The following ZNF131 variants were observed in gnomAD, a reference collection of about 807,000 sequenced individuals.
The protein encoded by ZNF131 is zinc finger and BTB domain containing 35.
ZNF131 carries 7 observed loss-of-function variants against 60.0 expected under a neutral mutation model. The ratio of observed to expected loss-of-function variants is 0.12; its 90% CI spans 0.07 to 0.22. The LOEUF is 0.22. Ranked by LOEUF, ZNF131 falls within the 10% of genes least tolerant of loss-of-function variation. ZNF131 has a pLI of 1.00. For synonymous variants in ZNF131, 257 were observed against 253.2 expected (o/e 1.01, Z -0.14); for missense variants, 493 against 740.9 (o/e 0.67, Z 3.88).
chr5:43,137,212 C>G (rs1746229891), intron 3 of ZNF131, among the ~76,000 whole-genome samples: 1 of 151,972 alleles, frequency 6.6e-6, no homozygotes, highest in Non-Finnish European at 1.5e-5. Context: ...ACAGGTGGGA[C>G]TACATCAAAC....
At chr5:43,151,999 CTATTTATT>C (rs35815843) in intron 4 of ZNF131, among the ~76,000 whole-genome samples, 3 of 151,008 alleles carry the variant, frequency 2.0e-5, no homozygotes, top group African/African-American at 4.9e-5. Context: ...GACTTCTTTC[CTATTTATT>C]TATTTATTTA....
chr5:43,124,598 A>C lies in ZNF131; in HGVS notation c.226+1288A>C, dbSNP rs546588991. 26 of 152,294 alleles carry C rather than the reference A, an allele frequency of 1.7e-4. No homozygotes were observed. In the South Asian group the frequency reaches 4.6e-3, roughly 27 times the overall value. The allele number at this position is 152,294 out of a possible 1,614,324, so 9.4% of individuals were successfully genotyped here. A position where few individuals can be genotyped will look rare whatever the true frequency, so the allele number is the denominator to read the frequency against. ...ATCCACAAAACTTAATAAAGTGAGA[A>C]TCTAACTGCCCAGATGATAGTGGTT... On this transcript the variant is annotated intron_variant, in intron 3 of 6. Transcript: ENST00000682664.
chr5:43,148,203 C>T (rs1054529330), intron 4 of ZNF131, among the ~76,000 whole-genome samples: 5 of 149,748 alleles, frequency 3.3e-5, no homozygotes, highest in Admixed American at 2.7e-4. Flanking sequence ...GAGACCCTAT[C>T]TCTACAAAAA....
chr5:43,160,200 CA>C (rs1195152966), intron 4 of ZNF131, among the ~76,000 whole-genome samples: 1 of 139,722 alleles, frequency 7.2e-6, no homozygotes, highest in Non-Finnish European at 1.6e-5. Context: ...AAAAAAAAAA[CA>C]AAAAAAGAAG....
At chr5:43,148,014 A>G (rs1747832878) in intron 4 of ZNF131, among the ~76,000 whole-genome samples, 1 of 147,080 alleles carries the variant, frequency 6.8e-6, no homozygotes, top group Admixed American at 6.8e-5. Flanking sequence ...AGATCATGCC[A>G]TTGTACTCCA....
At chr5:43,159,108 A>G (rs981554640) in intron 4 of ZNF131, among the ~76,000 whole-genome samples, 1 of 152,174 alleles carries the variant, frequency 6.6e-6, no homozygotes, top group Non-Finnish European at 1.5e-5. Flanking sequence ...AATGCATAAG[A>G]TTGATTTATA....
intron 4 of ZNF131, among the ~76,000 whole-genome samples, chr5:43,144,237 C>CTTTTTTTTTTTTTTTT (rs935655531): frequency 3.1e-5 from 2 of 65,316 alleles, no homozygotes; most frequent in African/African-American, 6.1e-5. Context: ...TTCTTTCTTT[C>CTTTTTTTTTTTTTTTT]TTTTTTTTTT....
chr5:43,147,734 A>G (rs543795431), intron 4 of ZNF131, among the ~76,000 whole-genome samples: 1 of 135,918 alleles, frequency 7.4e-6, no homozygotes, highest in African/African-American at 2.7e-5. Flanking sequence ...TTGGAAGTTT[A>G]AAAAAAAAAA....
chr5:43,157,077 A>G (rs1466113282), intron 4 of ZNF131, among the ~76,000 whole-genome samples: 1 of 152,192 alleles, frequency 6.6e-6, no homozygotes, highest in Non-Finnish European at 1.5e-5. Flanking sequence ...AAGGCTCTAT[A>G]TATTCAGTAT....
chr5:43,173,421 A>G lies in ZNF131; in HGVS notation c.1158A>G (p.Lys386=). The G allele has an allele frequency of 1.2e-6, 2 of 1,613,510 alleles. No individual in the cohort carries two copies. The highest frequency in any genetic ancestry group is 1.7e-6 in the Non-Finnish European group (2 of 1,179,534). The change falls in exon 6 of 7, where the codon AAA becomes AAG. Residue 386 remains lysine (K), a synonymous_variant. Coordinates refer to ENST00000682664, the MANE Select transcript of ZNF131 (RefSeq NM_001330707.2). The part of the protein sequence containing the change: ...TACQTGVGAK[K]GRKKLYECQV... ...GCCAAACTGGAGTAGGGGCAAAAAA[A>G]GGAAGGAAGAAGCTCTACGAATGCC...
At chr5:43,169,307 G>A (rs1561448301) in intron 5 of ZNF131, among the ~76,000 whole-genome samples, 1 of 152,092 alleles carries the variant, frequency 6.6e-6, no homozygotes, top group Non-Finnish European at 1.5e-5. Context: ...TAATTAATAT[G>A]TTTCTATTTC....
At chr5:43,172,619 A>G (rs1157140955) in intron 5 of ZNF131, among the ~76,000 whole-genome samples, 1 of 98,752 alleles carries the variant, frequency 1.0e-5, no homozygotes, top group Non-Finnish European at 2.5e-5. Context: ...AAGACTCTCA[A>G]AAAAAAAAAA....
intron 3 of ZNF131, among the ~76,000 whole-genome samples, chr5:43,131,569 A>G (rs931123128): frequency 2.6e-5 from 4 of 152,204 alleles, no homozygotes; most frequent in African/African-American, 9.7e-5. Context: ...AAGTGTTTGG[A>G]CTTGAGCAGG....
At chr5:43,137,832 C>G (rs565061396) in intron 3 of ZNF131, among the ~76,000 whole-genome samples, 2 of 152,244 alleles carry the variant, frequency 1.3e-5, no homozygotes, top group African/African-American at 4.8e-5. Context: ...AAATATTCGT[C>G]AACAGATTAA....
chr5:43,141,927 G>T (rs1746881377), intron 4 of ZNF131, among the ~76,000 whole-genome samples: 1 of 152,104 alleles, frequency 6.6e-6, no homozygotes, highest in Non-Finnish European at 1.5e-5. Context: ...TTATATGTTG[G>T]CTGTTTATAA....
intron 5 of ZNF131, among the ~76,000 whole-genome samples, chr5:43,164,639 C>G (rs946542850): frequency 6.6e-6 from 1 of 152,156 alleles, no homozygotes; most frequent in African/African-American, 2.4e-5. Context: ...ACTTTTACCT[C>G]TTAGAAAATA....
intron 4 of ZNF131, among the ~76,000 whole-genome samples, chr5:43,151,632 T>C (rs140230948): frequency 1.1e-3 from 164 of 152,140 alleles, no homozygotes; most frequent in African/African-American, 3.8e-3. Context: ...ATGAGGTTTC[T>C]CCATGTTGGC....
At chr5:43,150,340 C>T (rs1261659074) in intron 4 of ZNF131, among the ~76,000 whole-genome samples, 2 of 152,212 alleles carry the variant, frequency 1.3e-5, no homozygotes, top group Non-Finnish European at 2.9e-5. Context: ...ATAAAAGGCT[C>T]TCAATGTCTT....
In ZNF131 at chr5:43,175,116, C is replaced by G; in HGVS notation, c.1855C>G (p.Leu619Val). The G allele has an allele frequency of 6.2e-7, 1 of 1,606,470 alleles. No homozygotes were observed. The highest frequency in any genetic ancestry group is 1.3e-5 in the African/African-American group (1 of 74,486). Reference sequence around the variant, plus strand: ...GGCAGAGAATGAGGACAGAACAGCTCTGCCAGTTTTAGAATGAAATTACAC... The same window carrying G: ...GGCAGAGAATGAGGACAGAACAGCTGTGCCAGTTTTAGAATGAAATTACAC... ...EKAENEDRTA[L>V]PVLE is the part of the protein sequence containing the mutation. Residue 619 changes from leucine (L) to valine (V), a missense_variant, in exon 7 of 7, where the codon CTG (leucine) becomes GTG (valine). Around this residue, in one of 7 missense-constraint regions of ZNF131, gnomAD observed 202 missense variants for 221.3 expected, o/e 0.91. Coordinates refer to ENST00000682664, the MANE Select transcript of ZNF131 (RefSeq NM_001330707.2).
Sources: allele counts gnomAD v4.1 joint callset (sites outside exome capture counted in the v4.1 genomes callset), GRCh38; gene constraint gnomAD v4.1.1; regional missense constraint gnomAD v4.1.1; transcripts MANE v1.5; gene names NCBI Gene and HGNC (gene_info 2026-07-23, HGNC 2026-07-21).